The following KIAA1217 variants were observed in gnomAD, a reference collection of about 807,000 sequenced individuals.
KIAA1217 encodes sickle tail protein homolog.
Under a neutral mutation model 163.9 loss-of-function variants are expected in KIAA1217, and 88 were observed. The observed-to-expected ratio is 0.54, with a 90% confidence interval of 0.45 to 0.64. The LOEUF (loss-of-function observed/expected upper bound fraction) is 0.64, where lower values mean the gene tolerates loss of function less well. Among genes scored for constraint, KIAA1217 ranks in the 30% least tolerant of loss-of-function variants. The probability of loss-of-function intolerance (pLI) is 0.00; values close to 1 mark genes in which losing one functional copy is unlikely to be tolerated. For synonymous variants in KIAA1217, 903 were observed against 923.1 expected, an observed-to-expected ratio of 0.98 and a Z score of 0.39; for missense variants, 2,372 against 2,475.0, an observed-to-expected ratio of 0.96 and a Z score of 0.88.
At chr10:23,893,673 A>G (rs1018448369) in intron 1 of KIAA1217, among the ~76,000 whole-genome samples, 13 of 151,988 alleles carry the variant, frequency 8.6e-5, no homozygotes, top group Non-Finnish European at 1.8e-4. Context: ...AAAGACAGGC[A>G]GAGACGCAAC....
At chr10:23,900,307 C>A (rs1239983490) in intron 1 of KIAA1217, among the ~76,000 whole-genome samples, 1 of 151,816 alleles carries the variant, frequency 6.6e-6, no homozygotes, top group African/African-American at 2.4e-5. Flanking sequence ...CACCCAGCCC[C>A]TTCCTTTCTT....
intron 2 of KIAA1217, among the ~76,000 whole-genome samples, chr10:24,034,316 TG>T (rs1036319016): frequency 5.9e-5 from 9 of 152,202 alleles, no homozygotes; most frequent in Admixed American, 2.0e-4. Flanking sequence ...CCCAGCACTT[TG>T]GGAGCCCAAG....
intron 17 of KIAA1217, 95 bp downstream of exon 17, chr10:24,536,988 C>A (rs1177021709): frequency 1.4e-6 from 2 of 1,432,858 alleles, no homozygotes; most frequent in Non-Finnish European, 1.9e-6. Flanking sequence ...TTTGTCCCCT[C>A]TGTCTTTTTT....
intron 1 of KIAA1217, among the ~76,000 whole-genome samples, chr10:23,774,841 GTTAAGATAGAAAGCT>G (rs1314528154): frequency 6.6e-6 from 1 of 152,206 alleles, no homozygotes; most frequent in Non-Finnish European, 1.5e-5. Context: ...AGTTATATTT[GTTAAGATAGAAAGCT>G]TTAACATTTT....
chr10:24,484,264 T>TG (rs2065104813), intron 6 of KIAA1217, among the ~76,000 whole-genome samples: 1 of 114,428 alleles, frequency 8.7e-6, no homozygotes, highest in Non-Finnish European at 1.8e-5. Flanking sequence ...TTTTTTTTTT[T>TG]GAAACAGTCT....
At position 24,311,662 on chromosome 10, in the gene KIAA1217, G is replaced by A. The variant is rs534620825; in HGVS notation, c.355-69207G>A. Among the ~76,000 whole-genome samples the A allele has an allele frequency of 5.3e-5, 8 of 152,260 alleles. No individual in the cohort carries two copies. The East Asian group carries it at 1.2e-3, about 22-fold the overall frequency. On this transcript the variant is annotated intron_variant, in intron 2 of 20. Coordinates refer to ENST00000376454, the MANE Select transcript of KIAA1217 (RefSeq NM_019590.5). Reference sequence around the variant, plus strand: ...CCTGAGGACTGCTCCCATGCTGGGCGGTACTGCAGTGACCTCTGCATTTGA... The same window carrying A: ...CCTGAGGACTGCTCCCATGCTGGGCAGTACTGCAGTGACCTCTGCATTTGA...
chr10:24,242,058 G>A lies in KIAA1217; in HGVS notation c.354+22149G>A, dbSNP rs199952243. 1.6e-3 allele frequency among the ~76,000 whole-genome samples: 243 copies of A among 152,320 alleles called. 1 individual carries two copies. The highest frequency in any genetic ancestry group is 2.6e-3 in the Non-Finnish European group (179 of 68,040). ...TCCCAGCACTGTTTGGGGGCACTGG[G>A]AAAAGGTTGAGTTACCTTATCCCAA... On this transcript the variant is annotated intron_variant, in intron 2 of 20. Coordinates refer to ENST00000376454, the MANE Select transcript of KIAA1217 (RefSeq NM_019590.5).
intron 1 of KIAA1217, among the ~76,000 whole-genome samples, chr10:23,848,443 T>G (rs1839146477): frequency 6.6e-6 from 1 of 151,992 alleles, no homozygotes; most frequent in Non-Finnish European, 1.5e-5. Flanking sequence ...AATACCCTTC[T>G]TTATCTCTTT....
chr10:23,774,740 G>A (rs1834938412), intron 1 of KIAA1217, among the ~76,000 whole-genome samples: 1 of 152,164 alleles, frequency 6.6e-6, no homozygotes, highest in Non-Finnish European at 1.5e-5. Flanking sequence ...TGGGGCCCAG[G>A]GCCTGCTCTT....
chr10:24,410,206 G>T (rs1205102040), intron 3 of KIAA1217, among the ~76,000 whole-genome samples: 1 of 151,924 alleles, frequency 6.6e-6, no homozygotes, highest in Non-Finnish European at 1.5e-5. Context: ...ATGTTGGCCA[G>T]GCTGGTCTCG....
chr10:23,875,323 CT>C (rs1840634939), intron 1 of KIAA1217, among the ~76,000 whole-genome samples: 1 of 151,954 alleles, frequency 6.6e-6, no homozygotes, highest in African/African-American at 2.4e-5. Flanking sequence ...AGGCAGGTAA[CT>C]AATAACAGAA....
intron 1 of KIAA1217, among the ~76,000 whole-genome samples, chr10:23,942,903 T>C (rs993519158): frequency 6.7e-6 from 1 of 148,424 alleles, no homozygotes; most frequent in Non-Finnish European, 1.5e-5. Flanking sequence ...AGGCCAGGAG[T>C]TCAAGATCAG....
intron 1 of KIAA1217, among the ~76,000 whole-genome samples, chr10:23,790,321 A>ACATATGCATATATACATATG (rs1835759548): frequency 8.4e-5 from 1 of 11,930 alleles, no homozygotes; most frequent in Non-Finnish European, 2.6e-4. Context: ...ATACATATGC[A>ACATATGCATATATACATATG]CATATGCATA....
At chr10:24,186,514 C>T (rs2066436223) in intron 2 of KIAA1217, among the ~76,000 whole-genome samples, 2 of 152,116 alleles carry the variant, frequency 1.3e-5, no homozygotes, top group Admixed American at 6.6e-5. Flanking sequence ...TATAATTATA[C>T]CTTTTCCTCT....
intron 2 of KIAA1217, among the ~76,000 whole-genome samples, chr10:24,022,338 A>G (rs1847769349): frequency 1.3e-5 from 2 of 151,888 alleles, no homozygotes; most frequent in Admixed American, 6.6e-5. Context: ...ACAGATGGGA[A>G]ATATGCATAT....
intron 3 of KIAA1217, among the ~76,000 whole-genome samples, chr10:24,381,273 G>A (rs2053262332): frequency 6.6e-6 from 1 of 152,172 alleles, no homozygotes; most frequent in African/African-American, 2.4e-5. Flanking sequence ...TTTTGAGGCT[G>A]GGCACTTTCA....
At chr10:24,078,761 G>C (rs1296995533) in intron 2 of KIAA1217, among the ~76,000 whole-genome samples, 4 of 152,164 alleles carry the variant, frequency 2.6e-5, no homozygotes, top group African/African-American at 9.7e-5. Context: ...GAGACACACA[G>C]AGAGAGACAG....
chr10:24,279,407 C>T (rs796243506), intron 2 of KIAA1217, among the ~76,000 whole-genome samples: 4 of 152,082 alleles, frequency 2.6e-5, no homozygotes, highest in Non-Finnish European at 4.4e-5. Flanking sequence ...ATCTTTAATA[C>T]ATCATTATAA....
chr10:24,306,819 C>T (rs1372707024), intron 2 of KIAA1217, among the ~76,000 whole-genome samples: 1 of 152,216 alleles, frequency 6.6e-6, no homozygotes, highest in East Asian at 1.9e-4. Context: ...TGTGATGTTT[C>T]TGTTCTCACT....
Sources: allele counts gnomAD v4.1 joint callset (sites outside exome capture counted in the v4.1 genomes callset), GRCh38; gene constraint gnomAD v4.1.1; transcripts MANE v1.5; gene names NCBI Gene and HGNC (gene_info 2026-07-23, HGNC 2026-07-21).